The following ARMCX4 variants were observed in gnomAD, a reference collection of about 807,000 sequenced individuals.
ARMCX4 encodes the protein armadillo repeat-containing X-linked protein 4.
ARMCX4 carries 3 observed loss-of-function variants against 34.7 expected under a neutral mutation model. The ratio of observed to expected loss-of-function variants is 0.09; its 90% CI spans 0.04 to 0.22. ARMCX4 has a LOEUF of 0.22. ARMCX4 is among the 10% of genes least tolerant of loss of function. The probability of loss-of-function intolerance (pLI) is 1.00; values close to 1 mark genes in which losing one functional copy is unlikely to be tolerated. For missense variants in ARMCX4, 1,448 were observed against 1,720.8 expected, an observed-to-expected ratio of 0.84 and a Z score of 2.81; for synonymous variants, 513 against 632.8, an observed-to-expected ratio of 0.81 and a Z score of 2.84.
chrX:101,513,416 A>G (rs1470464170), intron 11 of ARMCX4, among the ~76,000 whole-genome samples: 1 of 111,731 alleles, frequency 9.0e-6, no homozygotes, highest in African/African-American at 3.3e-5. Flanking sequence ...CTGAAAATGC[A>G]CCAACCTTTT....
chrX:101,488,211 T>A (rs1280197993), intron 5 of ARMCX4, 112 bp downstream of exon 5: 1 of 342,162 alleles, frequency 2.9e-6, no homozygotes, highest in Non-Finnish European at 4.9e-6. Flanking sequence ...CTACCATCCT[T>A]TCCACTGTTC....
intron 11 of ARMCX4, among the ~76,000 whole-genome samples, chrX:101,522,994 C>G (rs1355336661): frequency 8.9e-6 from 1 of 111,759 alleles, no homozygotes; most frequent in East Asian, 2.8e-4. Context: ...CAATAACAAC[C>G]CTTCTGGGAT....
upstream of ARMCX4, among the ~76,000 whole-genome samples, chrX:101,480,769 G>A (rs1306945850): frequency 1.8e-5 from 2 of 111,910 alleles, no homozygotes; most frequent in Non-Finnish European, 3.8e-5. Flanking sequence ...AATGCAAATG[G>A]ATGTTAAGCA....
chrX:101,497,279 C>T (rs1006577905), downstream of ARMCX4, among the ~76,000 whole-genome samples: 1 of 110,116 alleles, frequency 9.1e-6, no homozygotes, highest in Non-Finnish European at 1.9e-5. Context: ...CTCTGTCGCC[C>T]AGGCTGGAGT....
intron 8 of ARMCX4, chrX:101,505,386 G>A (rs1934426573): frequency 8.9e-6 from 1 of 111,799 alleles, no homozygotes; most frequent in Non-Finnish European, 1.9e-5. Context: ...CTTTATAAAT[G>A]TCTAAGTCTT....
At chrX:101,456,983 A>T (rs1442736845) in intron 4 of ARMCX4, among the ~76,000 whole-genome samples, 1 of 111,367 alleles carries the variant, frequency 9.0e-6, no homozygotes, top group Non-Finnish European at 1.9e-5. Context: ...TATGTTGTCC[A>T]GGCTGGTCTT....
chrX:101,489,371 G>C lies in ARMCX4; in HGVS notation c.782G>C (p.Arg261Thr). Reference protein sequence around the residue: ...EARPGATVDARGNPNGMSREV... With the variant: ...EARPGATVDATGNPNGMSREV... ...AGGCCTGGTGCCACAGTTGATGCTA[G>C]GGGAAATCCCAATGGCATGTCCAGG... The change falls in exon 6 of 6, where the codon AGG becomes ACG. Residue 261 changes from arginine to threonine, a missense_variant. By Grantham distance (71) the Arg-to-Thr change is moderately conservative. This residue lies in a region of ARMCX4 where 1,343 missense variants were observed against 1,540.7 expected (regional missense o/e 0.87). Coordinates refer to ENST00000423738, the MANE Select transcript of ARMCX4 (RefSeq NM_001256155.3). 1 of 1,155,227 alleles carries C rather than the reference G, an allele frequency of 8.7e-7. No homozygotes were observed. The highest frequency in any genetic ancestry group is 1.9e-5 in the South Asian group (1 of 52,689).
intron 4 of ARMCX4, among the ~76,000 whole-genome samples, chrX:101,476,946 AAAG>A (rs1421922162): frequency 3.6e-5 from 4 of 111,813 alleles, no homozygotes; most frequent in South Asian, 3.7e-4. Flanking sequence ...ATCAAAGAAA[AAAG>A]AAGAGACAAT....
chrX:101,515,453 TCCTTCCTTCCTTCCTC>T (rs1307292936), intron 11 of ARMCX4, among the ~76,000 whole-genome samples: 10 of 50,434 alleles, frequency 2.0e-4, no homozygotes, highest in South Asian at 1.9e-3. Context: ...CTTCCTTCCT[TCCTTCCTTCCTTCCTC>T]CCTCCCTCCC....
upstream of ARMCX4, among the ~76,000 whole-genome samples, chrX:101,483,930 G>A (rs1318958287): frequency 9.0e-6 from 1 of 111,413 alleles, no homozygotes; most frequent in African/African-American, 3.3e-5. Flanking sequence ...GAAAGAGGCT[G>A]CCTGGAGGGT....
upstream of ARMCX4, among the ~76,000 whole-genome samples, chrX:101,484,306 G>A (rs1298935497): frequency 8.9e-6 from 1 of 111,750 alleles, no homozygotes; most frequent in Non-Finnish European, 1.9e-5. Flanking sequence ...GTGTTACGAC[G>A]GATGAAAATT....
chrX:101,438,288 G>A (rs1930954646), intron 2 of ARMCX4, among the ~76,000 whole-genome samples: 1 of 111,853 alleles, frequency 8.9e-6, no homozygotes. Context: ...TATCAGGCTG[G>A]GTGCGGTGGC....
chrX:101,446,397 G>C (rs1931630631), downstream of ARMCX4, among the ~76,000 whole-genome samples: 1 of 110,907 alleles, frequency 9.0e-6, no homozygotes. Flanking sequence ...TGTACTGTGG[G>C]CAGAATAAAA....
chrX:101,515,395 C>T (rs868975875), intron 11 of ARMCX4, among the ~76,000 whole-genome samples: 19 of 2,087 alleles, frequency 9.1e-3, no homozygotes, highest in Non-Finnish European at 0.015. Context: ...CTTTCTTTCC[C>T]TCCCTCCCTC....
intron 7 of ARMCX4, among the ~76,000 whole-genome samples, chrX:101,503,790 A>G (rs1224994325): frequency 1.8e-5 from 2 of 110,662 alleles, no homozygotes; most frequent in Admixed American, 9.6e-5. Flanking sequence ...CTTTAGTTGA[A>G]TTAGATCCCA....
chrX:101,511,038 GA>G (rs1419853999), exon 11 of ARMCX4: 1 of 111,173 alleles, frequency 9.0e-6, no homozygotes, highest in Non-Finnish European at 1.9e-5. Context: ...GCTATGAAAA[GA>G]AAAATCATGA....
intron 4 of ARMCX4, among the ~76,000 whole-genome samples, chrX:101,465,602 C>T (rs1313422361): frequency 8.9e-6 from 1 of 111,833 alleles, no homozygotes; most frequent in African/African-American, 3.2e-5. Context: ...TTATTATTGC[C>T]GCATGGTGTT....
chrX:101,435,303 T>A (rs782610743), intron 2 of ARMCX4, among the ~76,000 whole-genome samples: 5,672 of 111,380 alleles, frequency 0.051, 122 homozygotes, highest in Middle Eastern at 0.074. Context: ...GCACCTGTTG[T>A]TTCCTGACTT....
At chrX:101,434,781 T>C (rs1603102580) in intron 2 of ARMCX4, among the ~76,000 whole-genome samples, 1 of 90,660 alleles carries the variant, frequency 1.1e-5, no homozygotes, top group Non-Finnish European at 2.2e-5. Flanking sequence ...ATGCTATCCC[T>C]CCCCCCTCCC....
Sources: allele counts gnomAD v4.1 joint callset (sites outside exome capture counted in the v4.1 genomes callset), GRCh38; gene constraint gnomAD v4.1.1; regional missense constraint gnomAD v4.1.1; transcripts MANE v1.5; gene names NCBI Gene and HGNC (gene_info 2026-07-23, HGNC 2026-07-21).